Variants in TTC6 observed in about 807,000 individuals in gnomAD.
TTC6 encodes the protein tetratricopeptide repeat domain 6, also known as tetratricopeptide repeat protein 6.
A neutral mutation model predicts 210.4 loss-of-function variants in TTC6; 172 were observed. The observed-to-expected ratio is 0.82, with a 90% CI of 0.72 to 0.93. TTC6 has a LOEUF of 0.93. TTC6 is among the 40% of genes least tolerant of loss of function. The pLI is 0.00. For synonymous variants in TTC6, 804 were observed against 819.6 expected (o/e 0.98, Z 0.32); for missense variants, 2,414 against 2,318.1 (o/e 1.04, Z -0.85).
chr14:37,691,195 T>G (rs529397114), intron 3 of TTC6, among the ~76,000 whole-genome samples: 2 of 152,172 alleles, frequency 1.3e-5, no homozygotes, highest in African/African-American at 4.8e-5. Flanking sequence ...CCAGGTGTGC[T>G]GATGCATGCC....
At chr14:37,793,190 C>G (rs1199856089) in intron 17 of TTC6, among the ~76,000 whole-genome samples, 1 of 152,132 alleles carries the variant, frequency 6.6e-6, no homozygotes, top group Non-Finnish European at 1.5e-5. Context: ...TTTGCTCAAG[C>G]CCTTCAATAG....
intron 5 of TTC6, among the ~76,000 whole-genome samples, chr14:37,710,659 A>T (rs1214516830): frequency 1.3e-5 from 2 of 152,146 alleles, no homozygotes; most frequent in Non-Finnish European, 2.9e-5. Context: ...CCATTTGTAA[A>T]TGAGGAAACA....
At chr14:37,719,025 C>G (rs1045294521) in intron 6 of TTC6, among the ~76,000 whole-genome samples, 4 of 151,970 alleles carry the variant, frequency 2.6e-5, no homozygotes, top group African/African-American at 9.7e-5. Context: ...ACAAAAAAAA[C>G]CATGAATAAT....
intron 1 of TTC6, among the ~76,000 whole-genome samples, chr14:37,640,117 G>A (rs113370861): frequency 0.02 from 2,973 of 151,988 alleles, 39 homozygotes; most frequent in Non-Finnish European, 0.029. Context: ...TACAGGTGCA[G>A]CTTATTTTCC....
chr14:37,623,387 A>T (rs950751126), intron 1 of TTC6, among the ~76,000 whole-genome samples: 3 of 152,266 alleles, frequency 2.0e-5, no homozygotes, highest in African/African-American at 7.2e-5. Flanking sequence ...TAGTATTATT[A>T]GTAGTAAATT....
chr14:37,709,913 A>C (rs775402778), intron 5 of TTC6, among the ~76,000 whole-genome samples: 1 of 152,158 alleles, frequency 6.6e-6, no homozygotes, highest in African/African-American at 2.4e-5. Flanking sequence ...AGACCTTGGC[A>C]TCTGCTTTTT....
chr14:37,680,479 C>A (rs1326621742), intron 2 of TTC6, among the ~76,000 whole-genome samples: 1 of 152,120 alleles, frequency 6.6e-6, no homozygotes, highest in Non-Finnish European at 1.5e-5. Flanking sequence ...AGGCCCCAGA[C>A]TCTTTTTAGA....
chr14:37,604,638 C>T (rs538756694), intron 1 of TTC6, among the ~76,000 whole-genome samples: 89 of 151,966 alleles, frequency 5.9e-4, no homozygotes, highest in African/African-American at 2.1e-3. Flanking sequence ...CAGGCAAACA[C>T]GGGGTTGTGG....
exon 16 of TTC6, chr14:37,790,738 A>G: frequency 2.6e-6 from 4 of 1,534,106 alleles, no homozygotes; most frequent in Non-Finnish European, 3.5e-6. Flanking sequence ...GATGGCTATG[A>G]GAATCTTGGT....
intron 20 of TTC6, chr14:37,802,058 G>A (rs1054042240): frequency 6.6e-6 from 1 of 152,148 alleles, no homozygotes; most frequent in Non-Finnish European, 1.5e-5. Context: ...GGAATATTAT[G>A]CAGCATAAAA....
intron 14 of TTC6, among the ~76,000 whole-genome samples, chr14:37,776,054 T>C: frequency 1.9e-5 from 1 of 52,688 alleles, no homozygotes; most frequent in African/African-American, 6.2e-5. Flanking sequence ...TTTTTTTTTT[T>C]TTTTTTTTTT....
At chr14:37,649,557 G>C (rs177861) in intron 1 of TTC6, among the ~76,000 whole-genome samples, 47,548 of 152,064 alleles carry the variant, frequency 0.31, 7,564 homozygotes, top group Non-Finnish European at 0.33. Context: ...TTTATTCTTT[G>C]TATTCCACCT....
intron 26 of TTC6, among the ~76,000 whole-genome samples, chr14:37,818,980 C>T (rs1192484268): frequency 6.6e-6 from 1 of 152,116 alleles, no homozygotes; most frequent in Non-Finnish European, 1.5e-5. Context: ...ACCATTAGAG[C>T]CAGTAAATTT....
At chr14:37,609,966 C>A (rs1198874053) in intron 2 of TTC6, among the ~76,000 whole-genome samples, 4 of 152,196 alleles carry the variant, frequency 2.6e-5, no homozygotes, top group Non-Finnish European at 5.9e-5. Flanking sequence ...TCTTTTTCTG[C>A]AGAATGCTTC....
intron 20 of TTC6, among the ~76,000 whole-genome samples, chr14:37,801,803 A>G (rs1477358215): frequency 6.6e-6 from 1 of 152,204 alleles, no homozygotes; most frequent in Non-Finnish European, 1.5e-5. Context: ...GAACGCTTTT[A>G]TACATTTCAA....
rs368894778 is a variant in TTC6 at position 37,732,711 on chromosome 14, T to C, written c.1819-3210T>C. On this transcript the variant is annotated intron_variant, in intron 7 of 30. Transcript: ENST00000553443. ...TCGGCTCACTGCAAGCTCCGCCTCC[T>C]GGGTTCACGCCATTCTCTGCCTCAG... 1.6e-4 allele frequency among the ~76,000 whole-genome samples: 25 copies of C among 151,640 alleles called. No individual in the cohort carries two copies. In the South Asian group the frequency reaches 2.9e-3, roughly 18 times the overall value.
chr14:37,751,748 A>G (rs901710974), intron 13 of TTC6, among the ~76,000 whole-genome samples: 20 of 151,878 alleles, frequency 1.3e-4, no homozygotes, highest in African/African-American at 4.6e-4. Context: ...AAATTATGGT[A>G]AGTACTATGA....
intron 5 of TTC6, among the ~76,000 whole-genome samples, chr14:37,705,967 T>C (rs1460385135): frequency 6.6e-6 from 1 of 152,142 alleles, no homozygotes; most frequent in Non-Finnish European, 1.5e-5. Context: ...GCAGGAAATT[T>C]GTATACAGTT....
upstream of TTC6, among the ~76,000 whole-genome samples, chr14:37,620,860 G>C (rs1463836627): frequency 6.6e-6 from 1 of 152,120 alleles, no homozygotes; most frequent in Non-Finnish European, 1.5e-5. Flanking sequence ...ACCTTGCTTT[G>C]TCTCTGTTTT....
Sources: allele counts gnomAD v4.1 joint callset (sites outside exome capture counted in the v4.1 genomes callset), GRCh38; gene constraint gnomAD v4.1.1; transcripts MANE v1.5; gene names NCBI Gene and HGNC (gene_info 2026-07-23, HGNC 2026-07-21).